Variants in EYS observed in about 807,000 individuals in gnomAD.
EYS encodes the protein protein eyes shut homolog.
EYS carries 250 observed loss-of-function variants against 282.1 expected under a neutral mutation model. That is an observed-to-expected ratio of 0.89 (90% CI 0.80 to 0.98). The LOEUF (loss-of-function observed/expected upper bound fraction) is 0.98, where lower values mean the gene tolerates loss of function less well. Ranked by LOEUF, EYS falls within the 50% of genes least tolerant of loss-of-function variation. EYS has a pLI of 0.00. For missense variants in EYS, 4,016 were observed against 3,709.0 expected (o/e 1.08, Z -2.15); for synonymous variants, 1,355 against 1,282.9 (o/e 1.06, Z -1.20).
intron 4 of EYS, chr6:65,491,553 A>G (rs945248161): frequency 9.2e-6 from 4 of 434,930 alleles, no homozygotes; most frequent in Non-Finnish European, 1.8e-5. Flanking sequence ...TGCCTCACTA[A>G]TGCAGAACTT....
intron 19 of EYS, among the ~76,000 whole-genome samples, chr6:64,841,265 A>G (rs1765555599): frequency 6.6e-6 from 1 of 152,134 alleles, no homozygotes; most frequent in East Asian, 1.9e-4. Flanking sequence ...TCTATGAACC[A>G]CTTATTAAAT....
At chr6:64,471,558 C>A (rs1471729745) in intron 26 of EYS, among the ~76,000 whole-genome samples, 1 of 151,852 alleles carries the variant, frequency 6.6e-6, no homozygotes, top group Non-Finnish European at 1.5e-5. Flanking sequence ...AGGGAAACAA[C>A]AAAACACTGA....
rs16894961 is a variant in EYS, at chr6:64,280,707, T to C, written c.6191+26263A>G. Among the ~76,000 whole-genome samples the C allele has an allele frequency of 8.6e-3, 1,316 of 152,190 alleles. 28 individuals are homozygous for C. Among genetic ancestry groups the C allele is most frequent in the African/African-American group, 0.029 (1,206 of 41,542 alleles). ...AGCCTGTGAACTTTAATCACTCCTT[T>C]TGTAATTCTAATCAAATAAAACAGC... On this transcript the variant is annotated intron_variant, in intron 30 of 42. Coordinates refer to ENST00000503581, the MANE Select transcript of EYS (RefSeq NM_001142800.2).
intron 14 of EYS, among the ~76,000 whole-genome samples, chr6:64,979,163 C>G (rs115801422): frequency 1.1e-4 from 16 of 151,620 alleles, no homozygotes; most frequent in African/African-American, 3.4e-4. Flanking sequence ...ATTAGGAAAC[C>G]AAAAACTGTA....
At chr6:64,278,233 T>A (rs890224694) in intron 30 of EYS, among the ~76,000 whole-genome samples, 3 of 152,296 alleles carry the variant, frequency 2.0e-5, no homozygotes, top group Middle Eastern at 3.4e-3. Context: ...AGCAGAAAGT[T>A]TATGTAACTG....
intron 12 of EYS, among the ~76,000 whole-genome samples, chr6:65,119,969 C>T (rs530337719): frequency 2.0e-5 from 3 of 151,428 alleles, no homozygotes; most frequent in Admixed American, 1.3e-4. Flanking sequence ...AACCTACCCC[C>T]CCTCCCCGTC....
At chr6:65,052,584 A>C (rs957793292) in intron 13 of EYS, among the ~76,000 whole-genome samples, 1 of 151,592 alleles carries the variant, frequency 6.6e-6, no homozygotes, top group Admixed American at 6.6e-5. Flanking sequence ...AACATGGAAA[A>C]TATGTATGCA....
chr6:65,615,230 G>C (rs1766143521), intron 2 of EYS, among the ~76,000 whole-genome samples: 1 of 151,894 alleles, frequency 6.6e-6, no homozygotes, highest in Non-Finnish European at 1.5e-5. Flanking sequence ...TACCTTGCTT[G>C]AGACAAAGTT....
intron 12 of EYS, among the ~76,000 whole-genome samples, chr6:65,105,976 T>C (rs1775023734): frequency 6.6e-6 from 1 of 151,922 alleles, no homozygotes; most frequent in Admixed American, 6.6e-5. Flanking sequence ...TGGAGAAAGA[T>C]AGTGAAGTTA....
intron 23 of EYS, among the ~76,000 whole-genome samples, chr6:64,624,098 G>A (rs945948295): frequency 6.6e-6 from 1 of 152,112 alleles, no homozygotes; most frequent in African/African-American, 2.4e-5. Flanking sequence ...TAACTCTAAA[G>A]TCAAAGGTAT....
At chr6:65,695,118 G>A (rs1031745712) in intron 1 of EYS, among the ~76,000 whole-genome samples, 5 of 151,736 alleles carry the variant, frequency 3.3e-5, no homozygotes, top group Admixed American at 2.6e-4. Context: ...ATATGCAAGG[G>A]CAAATTAGGT....
At chr6:65,706,747 G>A (rs1769892336) in intron 1 of EYS, among the ~76,000 whole-genome samples, 1 of 152,122 alleles carries the variant, frequency 6.6e-6, no homozygotes. Context: ...AATTTCATTT[G>A]CAATTGACAT....
chr6:65,538,033 C>G (rs1768023848), intron 2 of EYS, among the ~76,000 whole-genome samples: 1 of 152,132 alleles, frequency 6.6e-6, no homozygotes, highest in Admixed American at 6.5e-5. Context: ...TTCTGTGTGT[C>G]AATTTCCTCA....
rs115688123 is a variant in EYS, at chr6:64,373,915, G to A, written c.6078+14775C>T. ...CTCCAGCTGAGTTTTACAGAAGCAG[G>A]ACCACAGGGTCAGAAGAGCTAATAG... On this transcript the variant is annotated intron_variant, in intron 29 of 42. Transcript: ENST00000503581. Among the ~76,000 whole-genome samples, 360 of 152,154 alleles carry A rather than the reference G, an allele frequency of 2.4e-3. 1 individual carries two copies. The highest frequency in any genetic ancestry group is 8.3e-3 in the African/African-American group (345 of 41,518).
chr6:64,193,372 G>A lies in EYS; in HGVS notation c.6424+37220C>T, dbSNP rs1279463529. ...GTCACCCAGGCTGGAGTGCAGTGGC[G>A]TGATCTCGGCTCACTACAAGCTCTG... On this transcript the variant is annotated intron_variant, in intron 31 of 42. Coordinates refer to ENST00000503581, the MANE Select transcript of EYS (RefSeq NM_001142800.2). Among the ~76,000 whole-genome samples, 4 of 151,724 alleles carry A rather than the reference G, an allele frequency of 2.6e-5. No individual in the cohort carries two copies. In the East Asian group the frequency reaches 5.8e-4, roughly 22 times the overall value.
chr6:64,345,357 A>T (rs1253271739), intron 29 of EYS, among the ~76,000 whole-genome samples: 1 of 152,160 alleles, frequency 6.6e-6, no homozygotes, highest in African/African-American at 2.4e-5. Context: ...ACAGAGATGT[A>T]GACCAATGGA....
intron 5 of EYS, among the ~76,000 whole-genome samples, chr6:65,464,323 G>T (rs1764921289): frequency 6.6e-6 from 1 of 152,026 alleles, no homozygotes; most frequent in Admixed American, 6.6e-5. Context: ...TATTTATCTT[G>T]GCTGTCCCAT....
At chr6:65,376,520 A>T (rs1000939092) in intron 8 of EYS, among the ~76,000 whole-genome samples, 18 of 152,222 alleles carry the variant, frequency 1.2e-4, no homozygotes, top group African/African-American at 3.9e-4. Context: ...AAATTCACAC[A>T]TACCAATATT....
intron 14 of EYS, among the ~76,000 whole-genome samples, chr6:64,986,945 G>A (rs1394242542): frequency 6.6e-6 from 1 of 151,340 alleles, no homozygotes; most frequent in African/African-American, 2.4e-5. Context: ...ACCTTAAGAA[G>A]AGAGTACTCT....
Sources: allele counts gnomAD v4.1 joint callset (sites outside exome capture counted in the v4.1 genomes callset), GRCh38; gene constraint gnomAD v4.1.1; transcripts MANE v1.5; gene names NCBI Gene and HGNC (gene_info 2026-07-23, HGNC 2026-07-21).